CMTM7: variants seen among roughly 807,000 people sequenced by gnomAD.
The protein encoded by CMTM7 is CKLF-like MARVEL transmembrane domain-containing protein 7.
Under a neutral mutation model 19.3 loss-of-function variants are expected in CMTM7, and 7 were observed. That is an observed-to-expected ratio of 0.36 (90% confidence interval 0.21 to 0.68). The LOEUF (loss-of-function observed/expected upper bound fraction) is 0.68, where lower values mean the gene tolerates loss of function less well. Ranked by LOEUF, CMTM7 falls within the 30% of genes least tolerant of loss-of-function variation. The pLI, the probability that CMTM7 is intolerant of heterozygous loss-of-function variation, is 0.60. For synonymous variants in CMTM7, 87 were observed against 99.3 expected (o/e 0.88, Z 0.74); for missense variants, 193 against 232.6 (o/e 0.83, Z 1.11).
At chr3:32,407,723 G>T (rs562166046) in intron 1 of CMTM7, among the ~76,000 whole-genome samples, 1 of 152,300 alleles carries the variant, frequency 6.6e-6, no homozygotes, top group African/African-American at 2.4e-5. Flanking sequence ...TTGAGCAGAG[G>T]AAAGAACTCT....
chr3:32,422,469 G>A (rs78012114), intron 1 of CMTM7, among the ~76,000 whole-genome samples: 1 of 152,202 alleles, frequency 6.6e-6, no homozygotes, highest in Non-Finnish European at 1.5e-5. Flanking sequence ...CTGTGTCAAG[G>A]TTCCTTAGGA....
At chr3:32,413,582 A>C (rs529583482) in intron 1 of CMTM7, among the ~76,000 whole-genome samples, 60 of 152,266 alleles carry the variant, frequency 3.9e-4, no homozygotes, top group African/African-American at 1.4e-3. Context: ...TGTTTCTCAT[A>C]GTTTTAGATT....
At chr3:32,419,384 C>G (rs531571590) in intron 1 of CMTM7, among the ~76,000 whole-genome samples, 3 of 152,080 alleles carry the variant, frequency 2.0e-5, no homozygotes, top group Middle Eastern at 3.2e-3. Context: ...ATTTCTTTTT[C>G]TTACCTTATT....
Position 32,449,383 on chromosome 3 carries a change from A to T in CMTM7, c.334-71A>T. ...TCTCCCTTTCTTTTCATGTCTTCTG[A>T]TGCCCAGTTGCTCTTCCCGGACCAG... is the stretch of plus-strand genomic sequence containing the variant. On this transcript the variant is annotated intron_variant, in intron 2 of 4. Transcript: ENST00000334983. This position sits in a 1 kb window ranked among gnomAD's most constrained non-coding sequence, Gnocchi z 4.5. 1 of 991,226 alleles carries T rather than the reference A, an allele frequency of 1.0e-6. No homozygotes were observed. Among genetic ancestry groups the T allele is most frequent in the Non-Finnish European group, 1.6e-6 (1 of 611,352 alleles). The allele number at this position is 991,226 out of a possible 1,614,324, so 61.4% of individuals were successfully genotyped here. A position where few individuals can be genotyped will look rare whatever the true frequency, so the allele number is the denominator to read the frequency against.
chr3:32,413,664 C>T (rs1191917681), intron 1 of CMTM7, among the ~76,000 whole-genome samples: 2 of 152,226 alleles, frequency 1.3e-5, no homozygotes, highest in Non-Finnish European at 2.9e-5. Flanking sequence ...CGATAGCTTT[C>T]TCCCTCAGCC....
At chr3:32,426,616 A>C (rs1042010638) in intron 1 of CMTM7, among the ~76,000 whole-genome samples, 9 of 152,100 alleles carry the variant, frequency 5.9e-5, no homozygotes, top group Admixed American at 5.2e-4. Flanking sequence ...TGCTAGGTGA[A>C]CATTTTTGTT....
At position 32,425,355 on chromosome 3, in the gene CMTM7, T is replaced by C. The variant is rs2125632398; in HGVS notation, c.160-16485T>C. On this transcript the variant is annotated intron_variant, in intron 1 of 4. Coordinates refer to ENST00000334983, the MANE Select transcript of CMTM7 (RefSeq NM_138410.4). ...GAAGATTTCTTGGCAGTCACACCCT[T>C]TTATTTTGTTATTGACCTCATCAGG... is the stretch of plus-strand genomic sequence containing the variant. 1.3e-5 allele frequency among the ~76,000 whole-genome samples: 2 copies of C among 152,264 alleles called. 1 individual carries two copies. The highest frequency in any genetic ancestry group is 6.8e-3 in the Middle Eastern group (2 of 294).
intron 1 of CMTM7, among the ~76,000 whole-genome samples, chr3:32,426,432 A>T (rs1012405938): frequency 2.0e-5 from 3 of 152,242 alleles, no homozygotes; most frequent in Non-Finnish European, 4.4e-5. Context: ...ACAGAATTTT[A>T]AAAAACACAG....
chr3:32,452,281 T>C, intron 3 of CMTM7, 111 bp from the exon 4 acceptor site: 3 of 1,594,612 alleles, frequency 1.9e-6, no homozygotes, highest in Non-Finnish European at 2.6e-6. Context: ...TCCAAGCTCC[T>C]TTCTGGCCAG....
Position 32,449,382 on chromosome 3 carries a change from G to T in CMTM7, c.334-72G>T, listed in dbSNP as rs188774595. 2.4e-5 allele frequency: 24 copies of T among 988,948 alleles called. No homozygotes were observed. In the Admixed American group the frequency reaches 3.9e-4, roughly 16 times the overall value. 61.3% of individuals were successfully genotyped at this position (988,948 alleles called of 1,614,324 possible). On this transcript the variant is annotated intron_variant, in intron 2 of 4. Transcript: ENST00000334983. The surrounding 1 kb of genome is among the most constrained non-coding windows in gnomAD (Gnocchi z 4.5). The stretch of plus-strand genomic sequence containing the variant: ...CTCTCCCTTTCTTTTCATGTCTTCT[G>T]ATGCCCAGTTGCTCTTCCCGGACCA...
chr3:32,436,298 G>A (rs972318073), intron 1 of CMTM7, among the ~76,000 whole-genome samples: 6 of 152,194 alleles, frequency 3.9e-5, no homozygotes, highest in African/African-American at 1.4e-4. Context: ...GCCAGTGGGT[G>A]TCAATGAGAT....
At chr3:32,407,151 A>C (rs1342837262) in intron 1 of CMTM7, among the ~76,000 whole-genome samples, 1 of 152,178 alleles carries the variant, frequency 6.6e-6, no homozygotes, top group East Asian at 1.9e-4. Context: ...GGTGTCTGCC[A>C]AGGCTTTAAG....
At chr3:32,416,651 A>G (rs1696271872) in intron 1 of CMTM7, among the ~76,000 whole-genome samples, 1 of 151,908 alleles carries the variant, frequency 6.6e-6, no homozygotes, top group South Asian at 2.1e-4. Context: ...CGGCCTCCCA[A>G]AGTGCTGGGA....
intron 1 of CMTM7, among the ~76,000 whole-genome samples, chr3:32,412,715 G>A (rs2652589): frequency 0.42 from 63,919 of 151,774 alleles, 13,722 homozygotes; most frequent in South Asian, 0.48. Context: ...ATTCACCCAT[G>A]CGCCCACCAT....
intron 1 of CMTM7, among the ~76,000 whole-genome samples, chr3:32,417,163 G>A (rs114539053): frequency 2.0e-3 from 297 of 152,260 alleles, no homozygotes; most frequent in African/African-American, 6.8e-3. Context: ...TTATAGATCC[G>A]TCACCACAGT....
chr3:32,426,322 A>G (rs1453762429), intron 1 of CMTM7, among the ~76,000 whole-genome samples: 1 of 152,182 alleles, frequency 6.6e-6, no homozygotes, highest in Non-Finnish European at 1.5e-5. Context: ...GTCTTTCTTA[A>G]CCTTTTTAAT....
chr3:32,447,367 T>C (rs1380864214), intron 2 of CMTM7, among the ~76,000 whole-genome samples: 1 of 152,224 alleles, frequency 6.6e-6, no homozygotes, highest in Non-Finnish European at 1.5e-5. Flanking sequence ...CTGAGAAGAA[T>C]GTACTTTTAT....
At chr3:32,411,698 GAC>G (rs1696177531) in intron 1 of CMTM7, among the ~76,000 whole-genome samples, 1 of 152,232 alleles carries the variant, frequency 6.6e-6, no homozygotes, top group African/African-American at 2.4e-5. Flanking sequence ...TGGCACCTAT[GAC>G]ACACGTTTTG....
At chr3:32,431,665 A>G (rs1156519961) in intron 1 of CMTM7, among the ~76,000 whole-genome samples, 2 of 152,160 alleles carry the variant, frequency 1.3e-5, no homozygotes, top group Non-Finnish European at 2.9e-5. Flanking sequence ...CCTGCAATGG[A>G]GCAGCATAGT....
Sources: gnomAD v4.1 joint callset for allele counts (sites outside exome capture counted in the v4.1 genomes callset) on GRCh38, gnomAD v4.1.1 for gene constraint, Gnocchi (gnomAD v3.1) non-coding constraint, MANE v1.5 for transcripts, NCBI Gene and HGNC (gene_info 2026-07-23, HGNC 2026-07-21) for gene names.